INTS2: variants seen among roughly 807,000 people sequenced by gnomAD.
INTS2 encodes the protein KIAA1287.
A neutral mutation model predicts 139.6 loss-of-function variants in INTS2; 57 were observed. The observed-to-expected ratio is 0.41, with a 90% CI of 0.33 to 0.51. INTS2 has a LOEUF of 0.51. INTS2 is among the 20% of genes least tolerant of loss of function. The pLI is 0.28. For missense variants in INTS2, 1,196 were observed against 1,436.7 expected, an observed-to-expected ratio of 0.83 and a Z score of 2.71; for synonymous variants, 473 against 493.4, an observed-to-expected ratio of 0.96 and a Z score of 0.55.
intron 14 of INTS2, among the ~76,000 whole-genome samples, 161 bp downstream of exon 14, chr17:61,891,352 A>G (rs2079291622): frequency 6.6e-6 from 1 of 152,188 alleles, no homozygotes; most frequent in Admixed American, 6.6e-5. Flanking sequence ...CTTGGAACTA[A>G]TACCATTCTT....
intron 4 of INTS2, among the ~76,000 whole-genome samples, chr17:61,921,070 C>G (rs1008253557): frequency 1.3e-5 from 2 of 152,208 alleles, no homozygotes; most frequent in Non-Finnish European, 2.9e-5. Flanking sequence ...CAGGCATGAG[C>G]GACAGCCTTC....
intron 4 of INTS2, among the ~76,000 whole-genome samples, chr17:61,920,180 C>CT (rs772038233): frequency 0.09 from 10,721 of 119,094 alleles, 1,550 homozygotes; most frequent in African/African-American, 0.29. Context: ...ATCTTATTTG[C>CT]TTTTTTTTTT....
Position 61,897,679 on chromosome 17 carries a change from C to G in INTS2, c.1368G>C (p.Ala456=). ...TCAAATTATCTTACCTCTCAAAATA[C>G]GCTTCTTCTTTTATCATCCAACTTA... ...VWLSWMIKEE[A]YFESTSGVSA... The change falls in exon 10 of 25, where the codon GCG becomes GCC. Residue 456 remains alanine, a synonymous_variant. Coordinates refer to ENST00000251334, the MANE Select transcript of INTS2 (RefSeq NM_001351695.2). The surrounding 1 kb of genome is among the most constrained non-coding windows in gnomAD (Gnocchi z 4.4). 1 of 1,605,634 alleles carries G rather than the reference C, an allele frequency of 6.2e-7. No individual in the cohort carries two copies. The highest frequency in any genetic ancestry group is 8.5e-7 in the Non-Finnish European group (1 of 1,175,518).
intron 15 of INTS2, among the ~76,000 whole-genome samples, chr17:61,888,987 T>C (rs1479823847): frequency 2.0e-5 from 3 of 151,182 alleles, no homozygotes; most frequent in African/African-American, 4.9e-5. Context: ...ATCATGCCAC[T>C]GCACTCTAGG....
intron 5 of INTS2, among the ~76,000 whole-genome samples, chr17:61,913,248 G>T (rs72843759): frequency 6.6e-6 from 1 of 151,100 alleles, no homozygotes; most frequent in Non-Finnish European, 1.5e-5. Context: ...TGAGGCAGGA[G>T]AACTGCTTTA....
At chr17:61,918,377 G>C (rs529800672) in intron 5 of INTS2, among the ~76,000 whole-genome samples, 6 of 152,262 alleles carry the variant, frequency 3.9e-5, no homozygotes, top group Admixed American at 1.3e-4. Context: ...GAGTAGCTGA[G>C]ATTACAGGCA....
chr17:61,921,854 A>C, intron 3 of INTS2, 27 bp from the exon 4 acceptor site: 1 of 1,149,712 alleles, frequency 8.7e-7, no homozygotes, highest in Non-Finnish European at 1.3e-6. Context: ...AAAAGATATA[A>C]ACTCTATTAA....
intron 2 of INTS2, among the ~76,000 whole-genome samples, chr17:61,925,841 AT>A: frequency 6.6e-6 from 1 of 151,862 alleles, no homozygotes; most frequent in Non-Finnish European, 1.5e-5. Flanking sequence ...CCTGGCCAAC[AT>A]GATGAAACCC....
At chr17:61,898,356 G>T (rs568185823) in intron 9 of INTS2, among the ~76,000 whole-genome samples, 1 of 152,088 alleles carries the variant, frequency 6.6e-6, no homozygotes, top group South Asian at 2.1e-4. Flanking sequence ...GTGCAGTGGC[G>T]CAATCATAGC....
intron 15 of INTS2, among the ~76,000 whole-genome samples, chr17:61,889,307 G>A (rs1275500671): frequency 1.3e-5 from 2 of 152,000 alleles, no homozygotes; most frequent in Admixed American, 6.6e-5. Flanking sequence ...GGCTGGTCTC[G>A]AACTCCTGAC....
At position 61,877,935 on chromosome 17, in the gene INTS2, T is replaced by C. The variant is rs1355896093; in HGVS notation, c.2408A>G (p.Gln803Arg). 3.1e-6 allele frequency: 5 copies of C among 1,613,778 alleles called. No individual in the cohort carries two copies. The highest frequency in any genetic ancestry group is 2.7e-5 in the African/African-American group (2 of 74,938). ...LNSGVPRRIL[Q>R]TVNKLWMVLN... ...AACCATCCATAGTTTATTGACTGTT[T>C]GCAGAATTCTCCGTGGAACCCCTGA... is the stretch of plus-strand genomic sequence containing the variant. The change falls in exon 18 of 25, where the codon CAA becomes CGA. Residue 803 changes from glutamine to arginine, a missense_variant. Physicochemically the swap from Gln to Arg is conservative, Grantham distance 43 (BLOSUM62 1). Coordinates refer to ENST00000251334, the MANE Select transcript of INTS2 (RefSeq NM_001351695.2).
intron 17 of INTS2, among the ~76,000 whole-genome samples, chr17:61,879,140 G>T (rs1338331600): frequency 9.4e-6 from 1 of 106,460 alleles, no homozygotes; most frequent in African/African-American, 3.7e-5. Context: ...GGATGGTTTT[G>T]AATTCCCGGC....
chr17:61,909,353 C>T lies in INTS2; in HGVS notation c.955-1719G>A, dbSNP rs1300882770. On this transcript the variant is annotated intron_variant, in intron 7 of 24. Transcript: ENST00000251334. This position sits in a 1 kb window ranked among gnomAD's most constrained non-coding sequence, Gnocchi z 4.9. ...CTCCCTCTCTTGACCTTGTGATCCG[C>T]CCGCCTCAGCCTCCCAAAGTGCTGG... 6.6e-6 allele frequency among the ~76,000 whole-genome samples: 1 copy of T among 152,198 alleles called. No individual in the cohort carries two copies. The highest frequency in any genetic ancestry group is 2.4e-5 in the African/African-American group (1 of 41,458).
chr17:61,891,034 C>G (rs915407937), intron 14 of INTS2, among the ~76,000 whole-genome samples: 5 of 149,010 alleles, frequency 3.4e-5, no homozygotes, highest in African/African-American at 1.2e-4. Flanking sequence ...TGACTCACAC[C>G]TGTAATCCCA....
intron 17 of INTS2, among the ~76,000 whole-genome samples, chr17:61,878,931 C>CCAAA (rs1555621233): frequency 2.1e-5 from 1 of 46,648 alleles, no homozygotes; most frequent in African/African-American, 1.0e-4. Flanking sequence ...ACCCTGTCTC[C>CCAAA]AAAAAAAAAA....
chr17:61,869,140 C>G lies in INTS2; in HGVS notation c.3139-1G>C. The G allele has an allele frequency of 6.3e-7, 1 of 1,584,164 alleles. No homozygotes were observed. The highest frequency in any genetic ancestry group is 8.7e-7 in the Non-Finnish European group (1 of 1,154,754). On this transcript the variant is annotated splice_acceptor_variant, in intron 22 of 24. Coordinates refer to ENST00000251334, the MANE Select transcript of INTS2 (RefSeq NM_001351695.2). LOFTEE classifies it high-confidence loss of function. This position sits in a 1 kb window ranked among gnomAD's most constrained non-coding sequence, Gnocchi z 5.4. ...GAGAAAGCAACTGGATAGCAAATAT[C>G]TGCAATACAAAATCCAGTTATTACA... is the stretch of plus-strand genomic sequence containing the variant.
At chr17:61,878,166 T>C (rs2079143189) in intron 17 of INTS2, 78 bp from the exon 18 acceptor site, 2 of 835,990 alleles carry the variant, frequency 2.4e-6, no homozygotes, top group Non-Finnish European at 4.0e-6. Flanking sequence ...TCTCTCAGAC[T>C]ATAGACCAAA....
At chr17:61,908,425 A>C (rs1482240789) in intron 7 of INTS2, among the ~76,000 whole-genome samples, 1 of 152,088 alleles carries the variant, frequency 6.6e-6, no homozygotes, top group Admixed American at 6.6e-5. Context: ...CAAAAAAAAC[A>C]AAAGAGTTTA....
At chr17:61,880,175 C>T (rs1010816763) in intron 17 of INTS2, among the ~76,000 whole-genome samples, 1 of 152,086 alleles carries the variant, frequency 6.6e-6, no homozygotes, top group African/African-American at 2.4e-5. Context: ...TCCCGAGCAG[C>T]TGGGACTACA....
Sources: gnomAD v4.1 joint callset for allele counts (sites outside exome capture counted in the v4.1 genomes callset) on GRCh38, gnomAD v4.1.1 for gene constraint, Gnocchi (gnomAD v3.1) non-coding constraint, MANE v1.5 for transcripts, NCBI Gene and HGNC (gene_info 2026-07-23, HGNC 2026-07-21) for gene names.